Variants in KDM4B observed in about 807,000 individuals in gnomAD.
KDM4B encodes the protein lysine-specific demethylase 4B.
A neutral mutation model predicts 125.2 loss-of-function variants in KDM4B; 32 were observed. The observed-to-expected ratio is 0.26, with a 90% CI of 0.19 to 0.34. The LOEUF (loss-of-function observed/expected upper bound fraction) is 0.34. KDM4B is among the 10% of genes least tolerant of loss of function. KDM4B has a pLI of 1.00. For synonymous variants in KDM4B, 721 were observed against 677.9 expected, an observed-to-expected ratio of 1.06 and a Z score of -0.99; for missense variants, 1,190 against 1,577.7, an observed-to-expected ratio of 0.75 and a Z score of 4.16.
chr19:5,149,863 C>T (rs560330029), intron 21 of KDM4B, among the ~76,000 whole-genome samples: 11 of 152,356 alleles, frequency 7.2e-5, no homozygotes, highest in Non-Finnish European at 1.3e-4. Context: ...CAGAGGGCCA[C>T]ACATAAGCCA....
intron 5 of KDM4B, among the ~76,000 whole-genome samples, chr19:5,041,698 C>G (rs2036823716): frequency 6.6e-6 from 1 of 152,264 alleles, no homozygotes; most frequent in Non-Finnish European, 1.5e-5. Flanking sequence ...CGAGCCTGGT[C>G]TGCTGGAGCG....
At chr19:5,060,718 T>A (rs2037567440) in intron 6 of KDM4B, among the ~76,000 whole-genome samples, 1 of 152,180 alleles carries the variant, frequency 6.6e-6, no homozygotes, top group Admixed American at 6.5e-5. Flanking sequence ...GGTTGCTGTG[T>A]GTCAGTGGCC....
At chr19:5,068,825 C>T (rs572976529) in intron 6 of KDM4B, among the ~76,000 whole-genome samples, 31 of 152,368 alleles carry the variant, frequency 2.0e-4, no homozygotes, top group African/African-American at 7.0e-4. Flanking sequence ...GCCAGAGCCA[C>T]GTTCCAGTGT....
Position 4,986,122 on chromosome 19 carries a change from G to A in KDM4B, c.-109+16892G>A, listed in dbSNP as rs1490352238. 2.6e-5 allele frequency among the ~76,000 whole-genome samples: 4 copies of A among 152,240 alleles called. No homozygotes were observed. In the East Asian group the frequency reaches 7.7e-4, roughly 29 times the overall value. On this transcript the variant is annotated intron_variant, in intron 1 of 22. Coordinates refer to ENST00000159111, the MANE Select transcript of KDM4B (RefSeq NM_015015.3). ...GGGAGTAGTGATGGATTCAGGACTT[G>A]GTCCTGGTCTGACCTGCCGTGGGGG...
At chr19:5,144,701 A>G in intron 20 of KDM4B, 82 bp from the exon 21 acceptor site, 2 of 1,557,078 alleles carry the variant, frequency 1.3e-6, no homozygotes, top group Admixed American at 2.0e-5. Flanking sequence ...CTCACTTGCC[A>G]GCGCGGAGAG....
At position 5,150,410 on chromosome 19, in the gene KDM4B, C is replaced by T. The variant is rs1387772117; in HGVS notation, c.3074C>T (p.Thr1025Ile). 7 of 1,551,200 alleles carry T rather than the reference C, an allele frequency of 4.5e-6. No individual in the cohort carries two copies. The Admixed American group carries it at 7.8e-5, about 17-fold the overall frequency. ...ACGGTGAAGCGTGGGGACATCTTCA[C>T]CCTGGAGGAGGAGCTGCCCAAGAGG... is the stretch of plus-strand genomic sequence containing the variant. ...QLTVKRGDIF[T>I]LEEELPKRVR... Residue 1025 changes from threonine to isoleucine, a missense_variant, in exon 22 of 23, where the codon ACC (threonine) becomes ATC (isoleucine). By Grantham distance (89) the Thr-to-Ile change is moderately conservative. Around this residue, in one of 7 missense-constraint regions of KDM4B, gnomAD observed 298 missense variants for 439.7 expected, o/e 0.68. Transcript: ENST00000159111.
At chr19:5,006,772 CA>C (rs537946416) in intron 1 of KDM4B, among the ~76,000 whole-genome samples, 12,706 of 127,282 alleles carry the variant, frequency 0.1, 675 homozygotes, top group Admixed American at 0.15. Context: ...AACTCCATCT[CA>C]AAAAAAAAAA....
chr19:5,039,525 GTGCCACCTATGTTTGC>G (rs1568247855), intron 3 of KDM4B, among the ~76,000 whole-genome samples: 1 of 152,206 alleles, frequency 6.6e-6, no homozygotes, highest in East Asian at 1.9e-4. Flanking sequence ...CACACGCCCA[GTGCCACCTATGTTTGC>G]TGAGTCTAAT....
At chr19:5,053,650 T>C (rs1245887851) in intron 6 of KDM4B, among the ~76,000 whole-genome samples, 1 of 152,206 alleles carries the variant, frequency 6.6e-6, no homozygotes, top group East Asian at 1.9e-4. Flanking sequence ...CTGTCTAGCC[T>C]GCATGAGGTT....
At chr19:5,093,554 T>TA (rs1429464638) in intron 9 of KDM4B, among the ~76,000 whole-genome samples, 2 of 152,206 alleles carry the variant, frequency 1.3e-5, no homozygotes, top group African/African-American at 2.4e-5. Context: ...CGCTGATAAT[T>TA]ACATCAGAAA....
At chr19:4,972,526 G>A (rs547725353) in intron 1 of KDM4B, among the ~76,000 whole-genome samples, 16 of 152,084 alleles carry the variant, frequency 1.1e-4, no homozygotes, top group African/African-American at 3.4e-4. Flanking sequence ...CCTGGGCACC[G>A]TAGGGTGAGT....
In KDM4B at chr19:5,144,266, G is replaced by A. The variant is rs762143895; in HGVS notation, c.2755G>A (p.Val919Met). 15 of 1,597,752 alleles carry A rather than the reference G, an allele frequency of 9.4e-6. No individual in the cohort carries two copies. Among genetic ancestry groups the A allele is most frequent in the East Asian group, 2.3e-5 (1 of 44,036 alleles). The part of the protein sequence containing the change: ...GGHAVQLLRA[V>M]SLGQVVITKN... ...CTCCCAGGTCCAACTCCTGAGGGCC[G>A]TGTCCCTAGGCCAGGTGGTCATCAC... is the stretch of plus-strand genomic sequence containing the variant. The change falls in exon 20 of 23, where the codon GTG (valine) becomes ATG (methionine). Residue 919 changes from valine to methionine, a missense_variant. Around this residue, in one of 7 missense-constraint regions of KDM4B, gnomAD observed 298 missense variants for 439.7 expected, o/e 0.68. Coordinates refer to ENST00000159111, the MANE Select transcript of KDM4B (RefSeq NM_015015.3).
Position 5,153,173 on chromosome 19 carries a change from G to C in KDM4B, c.*1662G>C, listed in dbSNP as rs536705960. 1 of 152,252 alleles carries C rather than the reference G, an allele frequency of 6.6e-6. No homozygotes were observed. The highest frequency in any genetic ancestry group is 2.4e-5 in the African/African-American group (1 of 41,454). The allele number at this position is 152,252 out of a possible 1,614,324, so 9.4% of individuals were successfully genotyped here. ...GCCTTTCATTTCCTTGGTGGGGGAG[G>C]GGGGCGGTTGCCCTGGAGAGGGCCG... On this transcript the variant is annotated 3_prime_UTR_variant, in exon 23 of 23. Coordinates refer to ENST00000159111, the MANE Select transcript of KDM4B (RefSeq NM_015015.3).
At position 5,142,257 on chromosome 19, in the gene KDM4B, A is replaced by G. The variant is rs1437378208; in HGVS notation, c.2551-1710A>G. 6.6e-6 allele frequency among the ~76,000 whole-genome samples: 1 copy of G among 151,920 alleles called. No homozygotes were observed. Among genetic ancestry groups the G allele is most frequent in the Admixed American group, 6.5e-5 (1 of 15,280 alleles). On this transcript the variant is annotated intron_variant, in intron 18 of 22. Coordinates refer to ENST00000159111, the MANE Select transcript of KDM4B (RefSeq NM_015015.3). The surrounding 1 kb of genome is among the most constrained non-coding windows in gnomAD (Gnocchi z 5.4). Reference sequence around the variant, plus strand: ...CGTAGACCCTGACTCCCCGGCACACACTGGCCTGGGCCAGGCCAGCACTGG... The same window carrying G: ...CGTAGACCCTGACTCCCCGGCACACGCTGGCCTGGGCCAGGCCAGCACTGG...
intron 9 of KDM4B, among the ~76,000 whole-genome samples, chr19:5,095,557 T>G (rs1395383719): frequency 6.6e-6 from 1 of 152,252 alleles, no homozygotes; most frequent in Non-Finnish European, 1.5e-5. Flanking sequence ...CCAGCCAGGC[T>G]GCTGCACACT....
chr19:5,084,461 ATAT>A lies in KDM4B; in HGVS notation c.918+1961_918+1963del, dbSNP rs969774802. Among the ~76,000 whole-genome samples, 671 of 140,098 alleles carry A rather than the reference ATAT, an allele frequency of 4.8e-3. 7 individuals carry two copies. The highest frequency in any genetic ancestry group is 0.017 in the African/African-American group (646 of 38,108). 91.9% of individuals were successfully genotyped at this position (140,098 alleles called of 152,430 possible). On this transcript the variant is annotated intron_variant, in intron 9 of 22. Coordinates refer to ENST00000159111, the MANE Select transcript of KDM4B (RefSeq NM_015015.3). ...AATTATATATGTTATAATAATTTAT[ATAT>A]TATATATAAATATAAATTATATATG...
At chr19:5,146,572 G>C (rs947221855) in intron 21 of KDM4B, among the ~76,000 whole-genome samples, 5 of 152,166 alleles carry the variant, frequency 3.3e-5, no homozygotes, top group Non-Finnish European at 7.4e-5. Context: ...GCCCATCCCA[G>C]GCAGCAGCAA....
chr19:5,007,632 A>G (rs551497861), intron 1 of KDM4B, among the ~76,000 whole-genome samples: 2 of 146,370 alleles, frequency 1.4e-5, no homozygotes, highest in South Asian at 4.3e-4. Context: ...TGCAGCCTCC[A>G]ACTCCCAGGC....
chr19:4,993,185 G>C (rs2035082194), intron 1 of KDM4B, among the ~76,000 whole-genome samples: 1 of 152,130 alleles, frequency 6.6e-6, no homozygotes, highest in South Asian at 2.1e-4. Flanking sequence ...CGAGGTGAGT[G>C]GATCACCTGA....
Sources: allele counts gnomAD v4.1 joint callset (sites outside exome capture counted in the v4.1 genomes callset), GRCh38; gene constraint gnomAD v4.1.1; regional missense constraint gnomAD v4.1.1; non-coding constraint Gnocchi (gnomAD v3.1); transcripts MANE v1.5; gene names NCBI Gene and HGNC (gene_info 2026-07-23, HGNC 2026-07-21).